Variants in SPTLC3 observed in about 807,000 individuals in gnomAD.
The protein encoded by SPTLC3 is serine palmitoyltransferase long chain base subunit 3, also known as serine palmitoyltransferase 3.
A neutral mutation model predicts 59.3 loss-of-function variants in SPTLC3; 36 were observed. The ratio of observed to expected loss-of-function variants is 0.61; its 90% CI spans 0.47 to 0.80. The LOEUF (loss-of-function observed/expected upper bound fraction) is 0.80, where lower values mean the gene tolerates loss of function less well. SPTLC3 is among the 30% of genes least tolerant of loss of function. SPTLC3 has a pLI of 0.00. For synonymous variants in SPTLC3, 257 were observed against 240.8 expected (o/e 1.07, Z -0.62); for missense variants, 625 against 685.1 (o/e 0.91, Z 0.98).
At chr20:13,027,564 C>T (rs1252960928) in intron 1 of SPTLC3, among the ~76,000 whole-genome samples, 3 of 151,642 alleles carry the variant, frequency 2.0e-5, no homozygotes, top group Non-Finnish European at 2.9e-5. Context: ...CATACAACTC[C>T]GTCCACTTCC....
At chr20:13,100,958 C>T (rs1989579637) in intron 6 of SPTLC3, among the ~76,000 whole-genome samples, 1 of 75,514 alleles carries the variant, frequency 1.3e-5, no homozygotes, top group Non-Finnish European at 3.8e-5. Context: ...AAAGTGATGC[C>T]AGGAAGCACC....
At chr20:13,169,100 ATAAT>A (rs1287621546) in exon 12 of SPTLC3, 1 of 152,188 alleles carries the variant, frequency 6.6e-6, no homozygotes, top group East Asian at 1.9e-4. Flanking sequence ...TAATATGAAA[ATAAT>A]TGATGGTTTT....
chr20:13,044,079 T>C (rs1381283034), intron 1 of SPTLC3, among the ~76,000 whole-genome samples: 4 of 151,026 alleles, frequency 2.6e-5, no homozygotes, highest in South Asian at 2.1e-4. Context: ...ATACATTATA[T>C]TCTTTTGTCT....
At chr20:13,048,898 T>C (rs1471583466) in intron 1 of SPTLC3, 47 bp from the exon 2 acceptor site, 2 of 1,492,004 alleles carry the variant, frequency 1.3e-6, no homozygotes, top group East Asian at 2.3e-5. Context: ...TCATAGTATA[T>C]CTGTAACAGG....
At position 13,165,191 on chromosome 20, in the gene SPTLC3, C is replaced by A. The variant is rs1178405652; in HGVS notation, c.*324C>A. 4.8e-6 allele frequency: 1 copy of A among 210,220 alleles called. No individual in the cohort carries two copies. Among genetic ancestry groups the A allele is most frequent in the Non-Finnish European group, 9.5e-6 (1 of 104,792 alleles). The allele number at this position is 210,220 out of a possible 1,614,324, so 13.0% of individuals were successfully genotyped here. On this transcript the variant is annotated 3_prime_UTR_variant, in exon 12 of 12. Transcript: ENST00000399002. Reference sequence around the variant, plus strand: ...TACTGTGCAGACCCTTTCAGGGATTCCAACCAAATGCAAATGAGAGAATTT... The same window carrying A: ...TACTGTGCAGACCCTTTCAGGGATTACAACCAAATGCAAATGAGAGAATTT...
At chr20:13,027,295 C>T (rs902889712) in intron 1 of SPTLC3, among the ~76,000 whole-genome samples, 4 of 152,292 alleles carry the variant, frequency 2.6e-5, no homozygotes, top group African/African-American at 4.8e-5. Flanking sequence ...TACGTCTGTA[C>T]GTCCCTTTCA....
chr20:13,118,411 C>T (rs1353609501), intron 8 of SPTLC3, among the ~76,000 whole-genome samples: 1 of 133,042 alleles, frequency 7.5e-6, no homozygotes, highest in African/African-American at 2.7e-5. Context: ...GAGTGTTGGC[C>T]CTGTCATTCT....
At chr20:13,147,537 A>G (rs1215606964) in intron 9 of SPTLC3, among the ~76,000 whole-genome samples, 1 of 152,148 alleles carries the variant, frequency 6.6e-6, no homozygotes, top group African/African-American at 2.4e-5. Context: ...AAGCCAGGGG[A>G]AAAAGTCCAG....
intron 4 of SPTLC3, among the ~76,000 whole-genome samples, chr20:13,084,943 T>C (rs1988957220): frequency 6.6e-6 from 1 of 152,230 alleles, no homozygotes; most frequent in Non-Finnish European, 1.5e-5. Context: ...CTCATCAGAA[T>C]TGTTTGATGT....
intron 7 of SPTLC3, among the ~76,000 whole-genome samples, chr20:13,112,585 C>T (rs1053918668): frequency 6.6e-6 from 1 of 152,176 alleles, no homozygotes; most frequent in African/African-American, 2.4e-5. Flanking sequence ...AGCCATCCAC[C>T]ACAGTGGCTC....
At chr20:13,052,240 C>T (rs540438532) in intron 2 of SPTLC3, among the ~76,000 whole-genome samples, 243 of 152,212 alleles carry the variant, frequency 1.6e-3, no homozygotes, top group Non-Finnish European at 2.3e-3. Context: ...AAGCAGGGTG[C>T]GGCACTGCCT....
chr20:13,018,279 A>G (rs1985643280), intron 1 of SPTLC3, among the ~76,000 whole-genome samples: 1 of 152,242 alleles, frequency 6.6e-6, no homozygotes, highest in Non-Finnish European at 1.5e-5. Context: ...GTCATTGTGC[A>G]ATCTCAGTAC....
At chr20:13,067,988 A>T (rs1988289761) in intron 2 of SPTLC3, among the ~76,000 whole-genome samples, 1 of 152,186 alleles carries the variant, frequency 6.6e-6, no homozygotes, top group Non-Finnish European at 1.5e-5. Context: ...ACTTTCATAC[A>T]AGCATCAAGC....
intron 9 of SPTLC3, among the ~76,000 whole-genome samples, chr20:13,131,231 T>A (rs1290573475): frequency 6.6e-6 from 1 of 152,188 alleles, no homozygotes; most frequent in Non-Finnish European, 1.5e-5. Context: ...CCAGTCTTGA[T>A]CTTACCTTAC....
intron 1 of SPTLC3, among the ~76,000 whole-genome samples, chr20:13,030,179 C>CAAGT (rs1986366517): frequency 6.6e-6 from 1 of 152,170 alleles, no homozygotes; most frequent in Admixed American, 6.5e-5. Context: ...ACTGGCTGCC[C>CAAGT]CTACTGTGAA....
chr20:13,160,958 G>A (rs981384763), intron 11 of SPTLC3, among the ~76,000 whole-genome samples: 1 of 152,146 alleles, frequency 6.6e-6, no homozygotes, highest in South Asian at 2.1e-4. Flanking sequence ...CTTCCAATCA[G>A]TGGAGTGACA....
intron 5 of SPTLC3, among the ~76,000 whole-genome samples, chr20:13,093,034 T>C (rs1989283388): frequency 6.6e-6 from 1 of 152,084 alleles, no homozygotes; most frequent in African/African-American, 2.4e-5. Flanking sequence ...CAGTGGAAAA[T>C]AAGAATCAGA....
At chr20:13,085,859 CAA>C (rs1464509482) in intron 4 of SPTLC3, among the ~76,000 whole-genome samples, 4 of 152,098 alleles carry the variant, frequency 2.6e-5, no homozygotes, top group Non-Finnish European at 5.9e-5. Flanking sequence ...AGAGAGCTGA[CAA>C]GAGGATACTT....
intron 2 of SPTLC3, among the ~76,000 whole-genome samples, chr20:13,062,921 C>T (rs953431485): frequency 4.6e-5 from 7 of 152,252 alleles, no homozygotes; most frequent in African/African-American, 1.7e-4. Flanking sequence ...TCAGTATATG[C>T]ATTTATTCTA....
Sources: gnomAD v4.1 joint callset for allele counts (sites outside exome capture counted in the v4.1 genomes callset) on GRCh38, gnomAD v4.1.1 for gene constraint, MANE v1.5 for transcripts, NCBI Gene and HGNC (gene_info 2026-07-23, HGNC 2026-07-21) for gene names.